Variants in KIAA0825 observed in about 807,000 individuals in gnomAD.
KIAA0825 encodes uncharacterized protein KIAA0825.
In KIAA0825, 119 loss-of-function variants were observed where a neutral mutation model predicts 147.6. That is an observed-to-expected ratio of 0.81 (90% CI 0.69 to 0.94). KIAA0825 has a LOEUF of 0.94. KIAA0825 is among the 40% of genes least tolerant of loss of function. KIAA0825 has a pLI of 0.00. For missense variants in KIAA0825, 1,381 were observed against 1,472.7 expected (o/e 0.94, Z 1.02); for synonymous variants, 470 against 518.1 (o/e 0.91, Z 1.26).
intron 15 of KIAA0825, 125 bp downstream of exon 15, chr5:94,417,076 G>A: frequency 1.2e-6 from 1 of 865,782 alleles, no homozygotes; most frequent in South Asian, 1.7e-5. Flanking sequence ...CTGAAAAAAT[G>A]TAAGGTAAAC....
chr5:94,519,525 A>C, intron 5 of KIAA0825: 1 of 665,796 alleles, frequency 1.5e-6, no homozygotes, highest in Non-Finnish European at 1.9e-6. Context: ...TATCTTATGA[A>C]TAAAATAGAA....
At chr5:94,478,342 G>A (rs1762128674) in intron 6 of KIAA0825, among the ~76,000 whole-genome samples, 2 of 152,038 alleles carry the variant, frequency 1.3e-5, no homozygotes, top group African/African-American at 4.8e-5. Context: ...ATCAACTCTA[G>A]TATTTCTTAA....
At chr5:94,224,805 T>C (rs779098107) in intron 20 of KIAA0825, among the ~76,000 whole-genome samples, 40 of 152,216 alleles carry the variant, frequency 2.6e-4, no homozygotes, top group Non-Finnish European at 5.4e-4. Flanking sequence ...TGGGTTCTGC[T>C]GATGGCTGAA....
At chr5:94,455,495 C>A (rs1324330267) in intron 12 of KIAA0825, among the ~76,000 whole-genome samples, 1 of 152,060 alleles carries the variant, frequency 6.6e-6, no homozygotes, top group East Asian at 1.9e-4. Flanking sequence ...TGAATGAAAA[C>A]TGTTTTGAGA....
At chr5:94,365,881 T>C (rs1243947510) in intron 20 of KIAA0825, among the ~76,000 whole-genome samples, 1 of 152,196 alleles carries the variant, frequency 6.6e-6, no homozygotes, top group Non-Finnish European at 1.5e-5. Context: ...CCCAAGTTGC[T>C]CCTGGGGATA....
At chr5:94,512,549 C>T (rs1456470912) in intron 5 of KIAA0825, among the ~76,000 whole-genome samples, 2 of 151,012 alleles carry the variant, frequency 1.3e-5, no homozygotes, top group African/African-American at 4.9e-5. Flanking sequence ...ATTGCTTGAG[C>T]CCAAGCATTC....
chr5:94,203,122 C>A (rs1771849657), intron 20 of KIAA0825, among the ~76,000 whole-genome samples: 1 of 152,160 alleles, frequency 6.6e-6, no homozygotes, highest in African/African-American at 2.4e-5. Flanking sequence ...GCATTACCTG[C>A]CATTTTCATG....
chr5:94,224,528 C>T (rs962800443), intron 20 of KIAA0825, among the ~76,000 whole-genome samples: 11 of 152,154 alleles, frequency 7.2e-5, no homozygotes, highest in African/African-American at 2.2e-4. Flanking sequence ...TCACTAGGAA[C>T]GGTCCTATGA....
intron 20 of KIAA0825, among the ~76,000 whole-genome samples, chr5:94,288,961 A>T (rs984334545): frequency 6.6e-6 from 1 of 152,148 alleles, no homozygotes. Flanking sequence ...ATGGCCCCCA[A>T]CGTATGGGTG....
intron 15 of KIAA0825, among the ~76,000 whole-genome samples, chr5:94,407,940 G>C (rs1462410287): frequency 6.6e-6 from 1 of 152,140 alleles, no homozygotes; most frequent in African/African-American, 2.4e-5. Flanking sequence ...ATTAGAGCAG[G>C]GGTCAGAAGA....
chr5:94,237,039 CTATA>C (rs1411587343), intron 20 of KIAA0825, among the ~76,000 whole-genome samples: 2 of 136,606 alleles, frequency 1.5e-5, no homozygotes, highest in Non-Finnish European at 3.1e-5. Flanking sequence ...CCTAAATAGG[CTATA>C]TGTGTGTGTG....
chr5:94,559,788 C>CGA (rs1777227626), intron 2 of KIAA0825, among the ~76,000 whole-genome samples: 5 of 152,140 alleles, frequency 3.3e-5, no homozygotes, highest in Non-Finnish European at 7.4e-5. Flanking sequence ...CAGACAATTC[C>CGA]ACATCACTGA....
intron 20 of KIAA0825, among the ~76,000 whole-genome samples, chr5:94,245,105 T>C (rs1775537606): frequency 6.6e-6 from 1 of 152,176 alleles, no homozygotes; most frequent in Non-Finnish European, 1.5e-5. Flanking sequence ...TTAAGGAAAT[T>C]GGAGGCCAAA....
chr5:94,516,719 A>G (rs1443876189), intron 5 of KIAA0825, among the ~76,000 whole-genome samples: 1 of 149,008 alleles, frequency 6.7e-6, no homozygotes, highest in Non-Finnish European at 1.5e-5. Context: ...TGAACCCGGA[A>G]GTGGAGCTTG....
At chr5:94,493,548 C>T (rs1036431097) in intron 5 of KIAA0825, among the ~76,000 whole-genome samples, 8 of 152,046 alleles carry the variant, frequency 5.3e-5, no homozygotes, top group African/African-American at 9.7e-5. Flanking sequence ...AGTGCAGTGG[C>T]GCAATCTCAG....
intron 20 of KIAA0825, among the ~76,000 whole-genome samples, chr5:94,341,023 G>A (rs927531400): frequency 2.3e-4 from 35 of 152,178 alleles, no homozygotes; most frequent in African/African-American, 8.4e-4. Context: ...GTGGTATTCT[G>A]TCTCTCAAAG....
chr5:94,201,023 T>G (rs893659819), intron 20 of KIAA0825, among the ~76,000 whole-genome samples: 6 of 144,752 alleles, frequency 4.1e-5, no homozygotes, highest in African/African-American at 1.5e-4. Flanking sequence ...CTTTAACTTT[T>G]TAGATCAAGT....
intron 20 of KIAA0825, among the ~76,000 whole-genome samples, chr5:94,273,799 C>A (rs982029914): frequency 1.3e-5 from 2 of 151,844 alleles, no homozygotes; most frequent in African/African-American, 2.4e-5. Flanking sequence ...AAAATGCTTA[C>A]CAAATGTTAA....
intron 5 of KIAA0825, among the ~76,000 whole-genome samples, chr5:94,513,280 C>A (rs1032985091): frequency 6.6e-6 from 1 of 151,976 alleles, no homozygotes; most frequent in Non-Finnish European, 1.5e-5. Flanking sequence ...TTTTCAGTAT[C>A]AAAAAATGTT....
Sources: allele counts gnomAD v4.1 joint callset (sites outside exome capture counted in the v4.1 genomes callset), GRCh38; gene constraint gnomAD v4.1.1; transcripts MANE v1.5; gene names NCBI Gene and HGNC (gene_info 2026-07-23, HGNC 2026-07-21).